The following THSD4 variants were observed in gnomAD, a reference collection of about 807,000 sequenced individuals.
THSD4 encodes thrombospondin type 1 domain containing 4.
A neutral mutation model predicts 119.0 loss-of-function variants in THSD4; 69 were observed. The ratio of observed to expected loss-of-function variants is 0.58; its 90% CI spans 0.48 to 0.71. The LOEUF (loss-of-function observed/expected upper bound fraction) is 0.71. Among genes scored for constraint, THSD4 ranks in the 30% least tolerant of loss-of-function variants. The probability of loss-of-function intolerance (pLI) is 0.00; values close to 1 mark genes in which losing one functional copy is unlikely to be tolerated. For missense variants in THSD4, 1,393 were observed against 1,391.1 expected, an observed-to-expected ratio of 1.00 and a Z score of -0.02; for synonymous variants, 524 against 540.4, an observed-to-expected ratio of 0.97 and a Z score of 0.42.
At chr15:71,611,754 G>A (rs765833596) in intron 7 of THSD4, among the ~76,000 whole-genome samples, 12 of 152,214 alleles carry the variant, frequency 7.9e-5, no homozygotes, top group Non-Finnish European at 1.8e-4. Context: ...TTTGCCAAGC[G>A]AATGAGGACA....
intron 8 of THSD4, among the ~76,000 whole-genome samples, chr15:71,672,883 G>T (rs1017806510): frequency 6.6e-6 from 1 of 152,104 alleles, no homozygotes; most frequent in African/African-American, 2.4e-5. Flanking sequence ...TGCTGGATTC[G>T]GTTTGCAAGT....
At chr15:71,756,016 A>G (rs879528467) in intron 14 of THSD4, among the ~76,000 whole-genome samples, 1 of 152,176 alleles carries the variant, frequency 6.6e-6, no homozygotes, top group Non-Finnish European at 1.5e-5. Flanking sequence ...GGTATGGGGG[A>G]TAGGATAATA....
chr15:71,778,421 T>G lies in THSD4; in HGVS notation c.*1047T>G, dbSNP rs2053950511. The G allele has an allele frequency of 6.6e-6, 1 of 152,338 alleles. No homozygotes were observed. The highest frequency in any genetic ancestry group is 6.5e-5 in the Admixed American group (1 of 15,276). The allele number at this position is 152,338 out of a possible 1,614,324, so 9.4% of individuals were successfully genotyped here. A position where few individuals can be genotyped will look rare whatever the true frequency, so the allele number is the denominator to read the frequency against. ...AATTCTTACTCCGTTCCAAGTGCTG[T>G]TCCTCCCAGGAAATCAAAGGCCAGG... On this transcript the variant is annotated 3_prime_UTR_variant, in exon 18 of 18. Coordinates refer to ENST00000261862, the MANE Select transcript of THSD4 (RefSeq NM_024817.3).
intron 6 of THSD4, among the ~76,000 whole-genome samples, chr15:71,410,224 A>G (rs145622434): frequency 2.6e-5 from 4 of 152,310 alleles, no homozygotes; most frequent in South Asian, 2.1e-4. Context: ...AGCATTTACT[A>G]TGCGCCAAGC....
At chr15:71,475,720 C>T (rs1015923356) in intron 7 of THSD4, among the ~76,000 whole-genome samples, 2 of 152,020 alleles carry the variant, frequency 1.3e-5, no homozygotes, top group Admixed American at 1.3e-4. Context: ...GCCAGGAGTT[C>T]GAGACCAGCC....
chr15:71,771,705 G>T (rs2053826877), intron 17 of THSD4, among the ~76,000 whole-genome samples: 1 of 152,172 alleles, frequency 6.6e-6, no homozygotes, highest in Non-Finnish European at 1.5e-5. Flanking sequence ...GACTCAAGGA[G>T]GAGGAGTGAC....
At chr15:71,408,795 T>C (rs1313268399) in intron 6 of THSD4, among the ~76,000 whole-genome samples, 1 of 152,050 alleles carries the variant, frequency 6.6e-6, no homozygotes, top group Non-Finnish European at 1.5e-5. Flanking sequence ...AAGGTTGCAG[T>C]GAGCCAAGAA....
intron 7 of THSD4, among the ~76,000 whole-genome samples, chr15:71,473,876 T>C (rs1355419713): frequency 2.0e-5 from 3 of 152,198 alleles, no homozygotes; most frequent in Non-Finnish European, 4.4e-5. Flanking sequence ...GGCACATTCT[T>C]ACTTACCAGC....
chr15:71,143,692 T>C lies in THSD4; in HGVS notation c.29+2136T>C, dbSNP rs1371285331. 3.5e-5 allele frequency among the ~76,000 whole-genome samples: 5 copies of C among 142,974 alleles called. No individual in the cohort carries two copies. The East Asian group carries it at 7.8e-4, about 22-fold the overall frequency. 93.8% of individuals were successfully genotyped at this position (142,974 alleles called of 152,430 possible). On this transcript the variant is annotated intron_variant, in intron 2 of 17. Coordinates refer to ENST00000261862, the MANE Select transcript of THSD4 (RefSeq NM_024817.3). ...TCTTGGATTTTTTTCTTTCTTTTTT[T>C]TTTCTTTCTTTTTTTTTTTTTTTTT...
intron 7 of THSD4, among the ~76,000 whole-genome samples, chr15:71,495,560 C>T (rs1196111394): frequency 2.0e-5 from 3 of 152,076 alleles, no homozygotes; most frequent in Admixed American, 1.3e-4. Flanking sequence ...TCCCTGTGCT[C>T]GGGACATCCA....
At chr15:71,676,968 G>C (rs896454289) in intron 8 of THSD4, among the ~76,000 whole-genome samples, 1 of 152,152 alleles carries the variant, frequency 6.6e-6, no homozygotes, top group African/African-American at 2.4e-5. Context: ...TATATACCTA[G>C]GAGTGGAATT....
At chr15:71,707,687 C>T (rs2052420398) in intron 8 of THSD4, among the ~76,000 whole-genome samples, 1 of 152,274 alleles carries the variant, frequency 6.6e-6, no homozygotes, top group Admixed American at 6.5e-5. Flanking sequence ...ACTTTTAGCT[C>T]ACTGGCCTGG....
chr15:71,664,836 A>G (rs1230670536), intron 8 of THSD4, among the ~76,000 whole-genome samples: 1 of 152,078 alleles, frequency 6.6e-6, no homozygotes, highest in African/African-American at 2.4e-5. Flanking sequence ...TATTCTTTTT[A>G]TGGCTGCATA....
rs1156721084 is a variant in THSD4 at position 71,782,771 on chromosome 15, T to G, written c.*5397T>G. On this transcript the variant is annotated 3_prime_UTR_variant, in exon 18 of 18. Transcript: ENST00000261862. ...ATTCAGGTAGCATTGTACCTGAACC[T>G]GATTGCTACTTTTTCATCTTAAATA... The G allele has an allele frequency of 6.6e-6, 1 of 152,268 alleles. No homozygotes were observed. The highest frequency in any genetic ancestry group is 2.4e-5 in the African/African-American group (1 of 41,470). The allele number at this position is 152,268 out of a possible 1,614,324, so 9.4% of individuals were successfully genotyped here. A position where few individuals can be genotyped will look rare whatever the true frequency, so the allele number is the denominator to read the frequency against.
chr15:71,289,080 G>A (rs779775072), intron 6 of THSD4, among the ~76,000 whole-genome samples: 1 of 152,186 alleles, frequency 6.6e-6, no homozygotes, highest in Non-Finnish European at 1.5e-5. Flanking sequence ...TTCCTGTGCT[G>A]CCTCAGGTCC....
intron 6 of THSD4, among the ~76,000 whole-genome samples, chr15:71,373,722 ATGT>A (rs1025403373): frequency 1.1e-4 from 17 of 152,238 alleles, no homozygotes; most frequent in African/African-American, 3.9e-4. Context: ...GTCCAGGCAG[ATGT>A]TGTCAAAGTC....
At chr15:71,125,489 A>G (rs947941729) in intron 1 of THSD4, among the ~76,000 whole-genome samples, 2 of 152,256 alleles carry the variant, frequency 1.3e-5, no homozygotes, top group African/African-American at 4.8e-5. Context: ...TCCACATGCA[A>G]TAAAGTCACT....
At chr15:71,108,585 T>A (rs1438600563) in intron 1 of THSD4, among the ~76,000 whole-genome samples, 1 of 152,202 alleles carries the variant, frequency 6.6e-6, no homozygotes, top group Non-Finnish European at 1.5e-5. Context: ...GGGGGCTCAC[T>A]GGAATAGCTC....
chr15:71,382,628 A>G (rs1272429332), intron 6 of THSD4, among the ~76,000 whole-genome samples: 2 of 152,162 alleles, frequency 1.3e-5, no homozygotes, highest in Non-Finnish European at 2.9e-5. Context: ...CACCAAAAAC[A>G]CATCTTACTT....
Sources: gnomAD v4.1 joint callset for allele counts (sites outside exome capture counted in the v4.1 genomes callset) on GRCh38, gnomAD v4.1.1 for gene constraint, MANE v1.5 for transcripts, NCBI Gene and HGNC (gene_info 2026-07-23, HGNC 2026-07-21) for gene names.